The following ZNF804A variants were observed in gnomAD, a reference collection of about 807,000 sequenced individuals.
The protein encoded by ZNF804A is zinc finger protein 804A.
A neutral mutation model predicts 16.5 loss-of-function variants in ZNF804A; 2 were observed. The observed-to-expected ratio is 0.12, with a 90% CI of 0.05 to 0.38. The LOEUF (loss-of-function observed/expected upper bound fraction) is 0.38. Ranked by LOEUF, ZNF804A falls within the 10% of genes least tolerant of loss-of-function variation. The pLI is 0.99. For missense variants in ZNF804A, 1,473 were observed against 1,390.7 expected (o/e 1.06, Z -0.94); for synonymous variants, 534 against 489.6 (o/e 1.09, Z -1.20).
At chr2:184,771,992 A>G (rs1233189777) in intron 1 of ZNF804A, among the ~76,000 whole-genome samples, 1 of 152,030 alleles carries the variant, frequency 6.6e-6, no homozygotes, top group Non-Finnish European at 1.5e-5. Context: ...GGGAATAGGG[A>G]ATGGTGTTCA....
intron 1 of ZNF804A, among the ~76,000 whole-genome samples, chr2:184,679,381 C>T (rs1312598880): frequency 1.3e-5 from 2 of 152,184 alleles, no homozygotes; most frequent in East Asian, 3.9e-4. Flanking sequence ...GAGGCATGAC[C>T]AGGGATGCAT....
At chr2:184,625,690 A>G (rs185568753) in intron 1 of ZNF804A, among the ~76,000 whole-genome samples, 74 of 152,240 alleles carry the variant, frequency 4.9e-4, no homozygotes, top group African/African-American at 1.7e-3. Flanking sequence ...GTAACAGTTT[A>G]TAAATTAATA....
intron 1 of ZNF804A, among the ~76,000 whole-genome samples, chr2:184,712,260 A>G (rs1340838317): frequency 6.6e-6 from 1 of 151,782 alleles, no homozygotes; most frequent in African/African-American, 2.4e-5. Flanking sequence ...CAGCCTCACA[A>G]AACAGTCTAC....
intron 1 of ZNF804A, among the ~76,000 whole-genome samples, chr2:184,855,171 C>T (rs562398021): frequency 1.8e-4 from 28 of 152,026 alleles, no homozygotes; most frequent in African/African-American, 6.5e-4. Context: ...TTAAGGATGC[C>T]ATGGGTAGAA....
At chr2:184,771,173 G>C (rs1694205709) in intron 1 of ZNF804A, among the ~76,000 whole-genome samples, 1 of 152,040 alleles carries the variant, frequency 6.6e-6, no homozygotes, top group East Asian at 1.9e-4. Flanking sequence ...TACATTCTTT[G>C]ATTCTAACTA....
chr2:184,845,575 T>A (rs746666731), intron 1 of ZNF804A, among the ~76,000 whole-genome samples: 2 of 152,050 alleles, frequency 1.3e-5, no homozygotes, highest in African/African-American at 2.4e-5. Context: ...TTCCTTCCCC[T>A]GGCTGGAACA....
intron 1 of ZNF804A, among the ~76,000 whole-genome samples, chr2:184,610,717 A>G (rs1290320111): frequency 6.6e-6 from 1 of 152,184 alleles, no homozygotes; most frequent in African/African-American, 2.4e-5. Flanking sequence ...ATGTCTGGAC[A>G]ATGTGCATTT....
intron 1 of ZNF804A, among the ~76,000 whole-genome samples, chr2:184,845,554 C>T (rs1245865831): frequency 2.0e-5 from 3 of 152,112 alleles, no homozygotes; most frequent in Non-Finnish European, 2.9e-5. Flanking sequence ...GGGGTCTGGA[C>T]TGGTAATAAA....
At chr2:184,777,570 T>C (rs560989135) in intron 1 of ZNF804A, among the ~76,000 whole-genome samples, 1 of 151,562 alleles carries the variant, frequency 6.6e-6, no homozygotes, top group South Asian at 2.1e-4. Context: ...ACATTTTTTT[T>C]TACTGCTATC....
chr2:184,887,372 T>C (rs546285061), intron 2 of ZNF804A, among the ~76,000 whole-genome samples: 1 of 152,332 alleles, frequency 6.6e-6, no homozygotes, highest in African/African-American at 2.4e-5. Flanking sequence ...TCCCACATTT[T>C]CCTGTCTTCT....
At chr2:184,835,815 C>T (rs1467652980) in intron 1 of ZNF804A, among the ~76,000 whole-genome samples, 1 of 151,978 alleles carries the variant, frequency 6.6e-6, no homozygotes, top group African/African-American at 2.4e-5. Flanking sequence ...TGTCTGGGGA[C>T]AACTGGTTTG....
intron 1 of ZNF804A, among the ~76,000 whole-genome samples, chr2:184,761,581 C>T (rs772703792): frequency 5.3e-5 from 8 of 152,038 alleles, no homozygotes; most frequent in African/African-American, 7.2e-5. Flanking sequence ...GAATCCCGGA[C>T]TTATTTACTG....
chr2:184,852,558 T>G (rs913773707), intron 1 of ZNF804A, among the ~76,000 whole-genome samples: 1 of 151,432 alleles, frequency 6.6e-6, no homozygotes, highest in Non-Finnish European at 1.5e-5. Context: ...CGGCTTTTTT[T>G]GTTTTTAGCA....
At chr2:184,749,701 GC>G (rs1693846795) in intron 1 of ZNF804A, among the ~76,000 whole-genome samples, 2 of 151,178 alleles carry the variant, frequency 1.3e-5, no homozygotes, top group Non-Finnish European at 3.0e-5. Context: ...GGATAGACCA[GC>G]CATTTTTTGG....
chr2:184,677,136 G>A (rs1356951247), intron 1 of ZNF804A, among the ~76,000 whole-genome samples: 1 of 151,668 alleles, frequency 6.6e-6, no homozygotes, highest in Non-Finnish European at 1.5e-5. Flanking sequence ...ACAAATAATA[G>A]AAACACGGAA....
chr2:184,660,526 T>C (rs1410838372), intron 1 of ZNF804A, among the ~76,000 whole-genome samples: 1 of 152,206 alleles, frequency 6.6e-6, no homozygotes, highest in Non-Finnish European at 1.5e-5. Context: ...TTGTCTTCTG[T>C]GCCCATACTC....
rs754991457 is a variant in ZNF804A at position 184,936,903 on chromosome 2, G to A, written c.1507G>A (p.Val503Ile). Residue 503 changes from valine (V) to isoleucine (I), a missense_variant, in exon 4 of 4, where the codon GTA becomes ATA. By Grantham distance (29) the Val-to-Ile change is conservative (BLOSUM62 3). Coordinates refer to ENST00000302277, the MANE Select transcript of ZNF804A (RefSeq NM_194250.2). The stretch of plus-strand genomic sequence containing the variant: ...GGGACCACTTTCAGATTACAAGGAT[G>A]TATCTACAGAAGGACTCACTGATTA... ...CMGPLSDYKD[V>I]STEGLTDYEI... is the part of the protein sequence containing the mutation. The A allele has an allele frequency of 2.7e-5, 44 of 1,613,860 alleles. No homozygotes were observed. Among genetic ancestry groups the A allele is most frequent in the Non-Finnish European group, 3.6e-5 (42 of 1,179,870 alleles).
chr2:184,628,666 C>T (rs1310347860), intron 1 of ZNF804A, among the ~76,000 whole-genome samples: 2 of 151,628 alleles, frequency 1.3e-5, no homozygotes, highest in East Asian at 3.9e-4. Context: ...TAAAAAAATA[C>T]TTGTGTTTGA....
chr2:184,922,392 A>G (rs1342083316), intron 2 of ZNF804A, among the ~76,000 whole-genome samples: 1 of 151,796 alleles, frequency 6.6e-6, no homozygotes, highest in Non-Finnish European at 1.5e-5. Context: ...TGTCATTTTT[A>G]TGTCTTTTGG....
Sources: allele counts gnomAD v4.1 joint callset (sites outside exome capture counted in the v4.1 genomes callset), GRCh38; gene constraint gnomAD v4.1.1; transcripts MANE v1.5; gene names NCBI Gene and HGNC (gene_info 2026-07-23, HGNC 2026-07-21).